Variants in MYH15 observed in about 807,000 individuals in gnomAD.
MYH15 encodes the protein myosin heavy chain 15, also known as myosin-15.
A neutral mutation model predicts 240.5 loss-of-function variants in MYH15; 227 were observed. That is an observed-to-expected ratio of 0.94 (90% confidence interval 0.85 to 1.05). MYH15 has a LOEUF of 1.05. MYH15 is among the 50% of genes least tolerant of loss of function. MYH15 has a pLI of 0.00. For missense variants in MYH15, 2,217 were observed against 2,247.5 expected (o/e 0.99, Z 0.27); for synonymous variants, 785 against 796.7 (o/e 0.99, Z 0.25).
the MYH15 span, among the ~76,000 whole-genome samples, chr3:108,545,725 C>G: frequency 1.3e-5 from 2 of 150,092 alleles, no homozygotes; most frequent in Non-Finnish European, 3.0e-5. Flanking sequence ...ACAAACAAAT[C>G]TTAAAGATAT....
At chr3:108,511,297 G>C (rs1022569234), upstream of MYH15, among the ~76,000 whole-genome samples, 2 of 152,118 alleles carry the variant, frequency 1.3e-5, no homozygotes, top group African/African-American at 2.4e-5. Context: ...CAAAAATACA[G>C]GCACAGCTGG....
At chr3:108,408,254 CT>C (rs1368178246) in intron 32 of MYH15, 25 bp downstream of exon 32, 2 of 1,596,112 alleles carry the variant, frequency 1.3e-6, no homozygotes, top group Admixed American at 1.8e-5. Context: ...ACAGTGAAAA[CT>C]TTCTTTTCTC....
Position 108,383,733 on chromosome 3 carries a change from T to TAAAAACAA in MYH15, c.5632-5_5632-4insTTGTTTTT. On this transcript the variant is annotated splice_region_variant and splice_polypyrimidine_tract_variant and intron_variant, in intron 39 of 40. Coordinates refer to ENST00000693548, the MANE Select transcript of MYH15 (RefSeq NM_014981.3). ...GGTATTGATTGGCTTGTGTTTCCTA[T>TAAAAACAA]AAAAATAAAAAAAAAAAAAAAGAAA... is the stretch of plus-strand genomic sequence containing the variant. The TAAAAACAA allele has an allele frequency of 9.2e-7, 1 of 1,092,286 alleles. No individual in the cohort carries two copies. The highest frequency in any genetic ancestry group is 1.2e-6 in the Non-Finnish European group (1 of 863,010). 67.7% of individuals were successfully genotyped at this position (1,092,286 alleles called of 1,614,324 possible). A position where few individuals can be genotyped will look rare whatever the true frequency, so the allele number is the denominator to read the frequency against.
intron 25 of MYH15, among the ~76,000 whole-genome samples, chr3:108,435,868 T>G (rs924061930): frequency 5.3e-5 from 8 of 150,072 alleles, no homozygotes; most frequent in Admixed American, 4.7e-4. Flanking sequence ...ACACATCACA[T>G]TTTCTTTATC....
intron 1 of MYH15, among the ~76,000 whole-genome samples, chr3:108,517,366 C>G (rs757317691): frequency 3.3e-5 from 5 of 152,034 alleles, no homozygotes; most frequent in Admixed American, 6.6e-5. Context: ...GAATTTTGCT[C>G]TTGTTGCCCA....
Position 108,408,279 on chromosome 3 carries a change from C to A in MYH15, c.4620+1G>T, listed in dbSNP as rs778444500. 4 of 1,610,238 alleles carry A rather than the reference C, an allele frequency of 2.5e-6. No homozygotes were observed. Among genetic ancestry groups the A allele is most frequent in the Non-Finnish European group, 3.4e-6 (4 of 1,179,022 alleles). ...CTTTCTTTTCTCCCTGGTGATAATA[C>A]CTCTGTTTCTTCCAGTGTCACCTGG... is the stretch of plus-strand genomic sequence containing the variant. On this transcript the variant is annotated splice_donor_variant, in intron 32 of 40. Transcript: ENST00000693548. LOFTEE classifies it high-confidence loss of function.
rs753795795 is a variant in MYH15 at position 108,388,963 on chromosome 3, G to A, written c.5535+7C>T. The stretch of plus-strand genomic sequence containing the variant: ...CCAGACAAACAGGGAATGGTTTCCT[G>A]GAGTACCTGATAGGTCAGCTCTTTG... On this transcript the variant is annotated splice_region_variant and intron_variant, in intron 38 of 40. Transcript: ENST00000693548. 1.1e-5 allele frequency: 18 copies of A among 1,611,954 alleles called. No homozygotes were observed. Among genetic ancestry groups the A allele is most frequent in the Non-Finnish European group, 1.4e-5 (17 of 1,178,674 alleles).
Position 108,381,433 on chromosome 3 carries a change from A to C in MYH15, c.*112T>G. 3.2e-6 allele frequency: 4 copies of C among 1,234,860 alleles called. No individual in the cohort carries two copies. The highest frequency in any genetic ancestry group is 4.8e-6 in the Non-Finnish European group (4 of 836,250). 76.5% of individuals were successfully genotyped at this position (1,234,860 alleles called of 1,614,324 possible). A position where few individuals can be genotyped will look rare whatever the true frequency, so the allele number is the denominator to read the frequency against. ...TAATTGCCTTGTTTATATGGTGTGA[A>C]AAGCAATTTAAACATGTTTTTAAAA... is the stretch of plus-strand genomic sequence containing the variant. On this transcript the variant is annotated 3_prime_UTR_variant, in exon 41 of 41. Coordinates refer to ENST00000693548, the MANE Select transcript of MYH15 (RefSeq NM_014981.3).
chr3:108,431,605 T>C (rs2082779913), intron 25 of MYH15, among the ~76,000 whole-genome samples: 1 of 152,186 alleles, frequency 6.6e-6, no homozygotes, highest in South Asian at 2.1e-4. Context: ...TCAGGTAACT[T>C]TTTTATCAGC....
chr3:108,389,289 T>A (rs1009415943), intron 37 of MYH15, among the ~76,000 whole-genome samples: 2 of 152,206 alleles, frequency 1.3e-5, no homozygotes, highest in Non-Finnish European at 2.9e-5. Context: ...CTGAAATATG[T>A]GAAAGGCTAA....
upstream of MYH15, among the ~76,000 whole-genome samples, chr3:108,533,061 C>T (rs1199883943): frequency 6.1e-5 from 9 of 148,294 alleles, no homozygotes; most frequent in Admixed American, 3.4e-4. Flanking sequence ...TCTCAAATTA[C>T]GTCTTTTGTG....
At chr3:108,535,435 G>A in the MYH15 span, among the ~76,000 whole-genome samples, 1 of 152,186 alleles carries the variant, frequency 6.6e-6, no homozygotes, top group Non-Finnish European at 1.5e-5. Flanking sequence ...TCTTTTGTAA[G>A]GGCACTAATC....
intron 9 of MYH15, among the ~76,000 whole-genome samples, chr3:108,487,007 C>T (rs1402765857): frequency 6.6e-6 from 1 of 152,166 alleles, no homozygotes; most frequent in East Asian, 1.9e-4. Context: ...GCAGGGCAAC[C>T]CTGTCACATC....
chr3:108,524,463 T>C (rs1176746526), intron 1 of MYH15, among the ~76,000 whole-genome samples: 1 of 152,052 alleles, frequency 6.6e-6, no homozygotes, highest in East Asian at 1.9e-4. Context: ...TAATCCTATG[T>C]CTTTTATTAT....
intron 18 of MYH15, 81 bp downstream of exon 18, chr3:108,459,281 A>T: frequency 1.1e-6 from 1 of 909,870 alleles, no homozygotes; most frequent in Admixed American, 3.1e-5. Context: ...GGCACCAATA[A>T]ATATTTCTTT....
Position 108,428,852 on chromosome 3 carries a change from T to C in MYH15, c.3342A>G (p.Leu1114=). ...QTQIKDLKEK[L]EAERTTRAKM... is the part of the protein sequence containing the mutation. Reference sequence around the variant, plus strand: ...TGGCTCGAGTGGTCCTTTCAGCTTCTAGTTTCTCTTTCAAATCCTTTATTT... The same window carrying C: ...TGGCTCGAGTGGTCCTTTCAGCTTCCAGTTTCTCTTTCAAATCCTTTATTT... The change falls in exon 27 of 41, where the codon CTA becomes CTG. Residue 1114 remains leucine (L), a synonymous_variant. Coordinates refer to ENST00000693548, the MANE Select transcript of MYH15 (RefSeq NM_014981.3). The C allele has an allele frequency of 6.2e-7, 1 of 1,610,612 alleles. No individual in the cohort carries two copies. Among genetic ancestry groups the C allele is most frequent in the Non-Finnish European group, 8.5e-7 (1 of 1,179,190 alleles).
chr3:108,441,996 C>T (rs889121239), intron 22 of MYH15, among the ~76,000 whole-genome samples: 1 of 152,336 alleles, frequency 6.6e-6, no homozygotes, highest in East Asian at 1.9e-4. Flanking sequence ...CTTTTTACTA[C>T]AGAGCACCTT....
chr3:108,481,225 A>G (rs987513432), intron 11 of MYH15, among the ~76,000 whole-genome samples: 3 of 152,248 alleles, frequency 2.0e-5, no homozygotes, highest in African/African-American at 4.8e-5. Context: ...TTAAAAAGTT[A>G]TATGTGCATA....
At chr3:108,393,956 A>T in intron 36 of MYH15, 75 bp downstream of exon 36, 1 of 1,594,752 alleles carries the variant, frequency 6.3e-7, no homozygotes, top group South Asian at 1.1e-5. Context: ...TTGGCTGCAG[A>T]TGTGGCCCTG....
Sources: allele counts gnomAD v4.1 joint callset (sites outside exome capture counted in the v4.1 genomes callset), GRCh38; gene constraint gnomAD v4.1.1; transcripts MANE v1.5; gene names NCBI Gene and HGNC (gene_info 2026-07-23, HGNC 2026-07-21).